The following CTNND2 variants were observed in gnomAD, a reference collection of about 807,000 sequenced individuals.
CTNND2 encodes the protein catenin delta-2.
In CTNND2, 22 loss-of-function variants were observed where a neutral mutation model predicts 144.4. The observed-to-expected ratio is 0.15, with a 90% CI of 0.11 to 0.22. The LOEUF (loss-of-function observed/expected upper bound fraction) is 0.22, where lower values mean the gene tolerates loss of function less well. Ranked by LOEUF, CTNND2 falls within the 10% of genes least tolerant of loss-of-function variation. CTNND2 has a pLI of 1.00. For missense variants in CTNND2, 1,353 were observed against 1,618.8 expected (o/e 0.84, Z 2.82); for synonymous variants, 751 against 695.6 (o/e 1.08, Z -1.25).
intron 2 of CTNND2, among the ~76,000 whole-genome samples, chr5:11,568,532 A>G (rs1777304670): frequency 6.6e-6 from 1 of 152,176 alleles, no homozygotes. Context: ...GTGAATGGAA[A>G]CAAGAAGAGC....
chr5:10,997,291 C>T (rs904500658), intron 18 of CTNND2, among the ~76,000 whole-genome samples: 17 of 152,030 alleles, frequency 1.1e-4, no homozygotes, highest in South Asian at 2.1e-4. Flanking sequence ...TGTATGGGAA[C>T]GATTAAAAAC....
intron 5 of CTNND2, among the ~76,000 whole-genome samples, chr5:11,404,917 A>T (rs1195966534): frequency 1.6e-5 from 2 of 125,738 alleles, no homozygotes; most frequent in Non-Finnish European, 3.8e-5. Context: ...GCCAATATTC[A>T]TATGTTTTAA....
chr5:11,126,308 AAAG>A (rs1754670568), intron 12 of CTNND2, among the ~76,000 whole-genome samples: 1 of 152,212 alleles, frequency 6.6e-6, no homozygotes, highest in South Asian at 2.1e-4. Context: ...TCTCAAAAAA[AAAG>A]AAAATAGATC....
At position 11,025,173 on chromosome 5, in the gene CTNND2, T is replaced by C. The variant is rs564701876; in HGVS notation, c.2789-2194A>G. ...GTCTATCTGGAGGAATATATTTTAG[T>C]CCAAATTTTTGACCATCCAAGTAAA... On this transcript the variant is annotated intron_variant, in intron 16 of 21. Transcript: ENST00000304623. Among the ~76,000 whole-genome samples, 4 of 152,340 alleles carry C rather than the reference T, an allele frequency of 2.6e-5. No individual in the cohort carries two copies. The East Asian group carries it at 7.7e-4, about 29-fold the overall frequency.
intron 2 of CTNND2, among the ~76,000 whole-genome samples, chr5:11,711,625 C>G (rs568743584): frequency 6.6e-6 from 1 of 152,096 alleles, no homozygotes; most frequent in African/African-American, 2.4e-5. Flanking sequence ...TACAATTCTG[C>G]GAGATAAATA....
intron 2 of CTNND2, among the ~76,000 whole-genome samples, chr5:11,597,228 T>C (rs1417700604): frequency 6.6e-6 from 1 of 152,172 alleles, no homozygotes; most frequent in Non-Finnish European, 1.5e-5. Flanking sequence ...TGCCTATACA[T>C]TGGTATCTTA....
At chr5:11,389,117 G>A (rs901743379) in intron 6 of CTNND2, among the ~76,000 whole-genome samples, 1 of 152,190 alleles carries the variant, frequency 6.6e-6, no homozygotes, top group Non-Finnish European at 1.5e-5. Context: ...CATCTAGGCT[G>A]TTGGCAGAGA....
At chr5:11,349,830 A>G (rs1378287402) in intron 8 of CTNND2, among the ~76,000 whole-genome samples, 2 of 152,078 alleles carry the variant, frequency 1.3e-5, no homozygotes, top group Admixed American at 1.3e-4. Flanking sequence ...GTTGAAAAAT[A>G]TATTACAAAA....
intron 9 of CTNND2, among the ~76,000 whole-genome samples, chr5:11,274,285 C>T (rs979711056): frequency 1.3e-5 from 2 of 152,188 alleles, no homozygotes; most frequent in African/African-American, 2.4e-5. Flanking sequence ...TTCTTAAAGA[C>T]TTTGGGCTTA....
intron 3 of CTNND2, among the ~76,000 whole-genome samples, chr5:11,551,273 A>G (rs905502356): frequency 2.0e-5 from 3 of 151,904 alleles, no homozygotes; most frequent in Non-Finnish European, 4.4e-5. Context: ...TTTCCCTCTG[A>G]GCAATGCCTT....
At chr5:11,383,250 G>A (rs1758701556) in intron 7 of CTNND2, among the ~76,000 whole-genome samples, 1 of 152,162 alleles carries the variant, frequency 6.6e-6, no homozygotes, top group Non-Finnish European at 1.5e-5. Flanking sequence ...CTTCTCTGTG[G>A]TGGTGCGCAT....
intron 2 of CTNND2, among the ~76,000 whole-genome samples, chr5:11,615,485 T>C (rs978214358): frequency 6.6e-6 from 1 of 152,200 alleles, no homozygotes; most frequent in African/African-American, 2.4e-5. Flanking sequence ...TTTTAAGTAC[T>C]GAAATTAGAA....
At chr5:11,864,733 A>G (rs1208296928) in intron 1 of CTNND2, among the ~76,000 whole-genome samples, 1 of 152,082 alleles carries the variant, frequency 6.6e-6, no homozygotes, top group Non-Finnish European at 1.5e-5. Context: ...CAGCCCTGCC[A>G]TGCCTCCTCC....
At chr5:11,385,747 A>C (rs1347847610) in intron 6 of CTNND2, 1 of 152,158 alleles carries the variant, frequency 6.6e-6, no homozygotes, top group African/African-American at 2.4e-5. Context: ...AAGAATAAAC[A>C]TACTTCTTAC....
At chr5:11,474,980 G>A (rs937448425) in intron 3 of CTNND2, among the ~76,000 whole-genome samples, 3 of 152,186 alleles carry the variant, frequency 2.0e-5, no homozygotes, top group African/African-American at 7.2e-5. Context: ...CTGCAAAGCT[G>A]AGGTGTAATC....
At chr5:11,499,568 T>C (rs1770342066) in intron 3 of CTNND2, among the ~76,000 whole-genome samples, 1 of 152,208 alleles carries the variant, frequency 6.6e-6, no homozygotes. Context: ...TTTTAAAAAA[T>C]CCAAGGCATC....
intron 16 of CTNND2, among the ~76,000 whole-genome samples, chr5:11,044,622 C>T (rs536847207): frequency 6.6e-6 from 1 of 151,574 alleles, no homozygotes; most frequent in African/African-American, 2.4e-5. Context: ...TTTGGTTTTA[C>T]AAAATTCCAT....
intron 1 of CTNND2, among the ~76,000 whole-genome samples, chr5:11,853,365 T>C (rs1270199352): frequency 6.6e-6 from 1 of 152,184 alleles, no homozygotes; most frequent in East Asian, 1.9e-4. Flanking sequence ...CACTTCTCCC[T>C]CTTCTGTTGT....
intron 16 of CTNND2, among the ~76,000 whole-genome samples, chr5:11,079,385 C>G (rs1247497426): frequency 2.0e-5 from 3 of 152,150 alleles, no homozygotes; most frequent in Non-Finnish European, 2.9e-5. Context: ...ACTAGTGACC[C>G]TACAGAAATG....
Sources: allele counts gnomAD v4.1 joint callset (sites outside exome capture counted in the v4.1 genomes callset), GRCh38; gene constraint gnomAD v4.1.1; transcripts MANE v1.5; gene names NCBI Gene and HGNC (gene_info 2026-07-23, HGNC 2026-07-21).